CRYBB2: variants seen among roughly 807,000 people sequenced by gnomAD.
The protein encoded by CRYBB2 is crystallin beta B2, also known as beta-crystallin B2.
In CRYBB2, 12 loss-of-function variants were observed where a neutral mutation model predicts 24.3. The observed-to-expected ratio is 0.49, with a 90% confidence interval of 0.32 to 0.80. The LOEUF (loss-of-function observed/expected upper bound fraction) is 0.80. Among genes scored for constraint, CRYBB2 ranks in the 30% least tolerant of loss-of-function variants. The pLI, the probability that CRYBB2 is intolerant of heterozygous loss-of-function variation, is 0.04. For synonymous variants in CRYBB2, 98 were observed against 101.6 expected (o/e 0.96, Z 0.21); for missense variants, 198 against 268.5 (o/e 0.74, Z 1.83).
At chr22:25,220,970 A>G (rs1935309541) in intron 1 of CRYBB2, among the ~76,000 whole-genome samples, 1 of 152,196 alleles carries the variant, frequency 6.6e-6, no homozygotes, top group African/African-American at 2.4e-5. Flanking sequence ...TGAGTTCCTA[A>G]ACTGGGCACC....
chr22:25,226,161 G>A (rs1200422714), intron 3 of CRYBB2, among the ~76,000 whole-genome samples: 1 of 127,184 alleles, frequency 7.9e-6, no homozygotes, highest in Admixed American at 8.7e-5. Flanking sequence ...TATGAATTTG[G>A]ATTTCTCTGT....
At chr22:25,216,380 C>T (rs551237494), upstream of CRYBB2, among the ~76,000 whole-genome samples, 2 of 152,342 alleles carry the variant, frequency 1.3e-5, no homozygotes, top group South Asian at 2.1e-4. Flanking sequence ...GACATAGAAT[C>T]AGCCATGCAC....
At chr22:25,224,552 A>G (rs1006074677) in intron 2 of CRYBB2, among the ~76,000 whole-genome samples, 4 of 152,170 alleles carry the variant, frequency 2.6e-5, no homozygotes, top group Non-Finnish European at 5.9e-5. Context: ...TAAAAAAATT[A>G]GAAGTGGGGT....
upstream of CRYBB2, among the ~76,000 whole-genome samples, chr22:25,218,796 AAG>A (rs746424244): frequency 2.5e-4 from 28 of 113,418 alleles, no homozygotes; most frequent in South Asian, 1.6e-3. Context: ...GAAAGAAAGA[AAG>A]AAAGAAAGAA....
In CRYBB2 at chr22:25,225,042, T is replaced by C; in HGVS notation, c.173+6T>C. On this transcript the variant is annotated splice_donor_region_variant and intron_variant, in intron 3 of 5. Coordinates refer to ENST00000398215, the MANE Select transcript of CRYBB2 (RefSeq NM_000496.3). ...GTCCTAGTGCAGGCTGGACCGTAAG[T>C]ACCTGGGTGGCCTCTCCTGGTCAGG... 1 of 1,512,170 alleles carries C rather than the reference T, an allele frequency of 6.6e-7. No homozygotes were observed. Among genetic ancestry groups the C allele is most frequent in the East Asian group, 2.3e-5 (1 of 44,442 alleles). The allele number at this position is 1,512,170 out of a possible 1,614,324, so 93.7% of individuals were successfully genotyped here.
chr22:25,216,214 A>G (rs958179994), upstream of CRYBB2, among the ~76,000 whole-genome samples: 9 of 152,348 alleles, frequency 5.9e-5, no homozygotes, highest in East Asian at 1.7e-3. Context: ...AAGATATTCC[A>G]AAGTCCTAAC....
intron 4 of CRYBB2, among the ~76,000 whole-genome samples, 166 bp downstream of exon 4, chr22:25,228,151 G>A (rs970087433): frequency 2.0e-5 from 3 of 151,142 alleles, no homozygotes; most frequent in Admixed American, 2.0e-4. Flanking sequence ...CCTTGCAAAA[G>A]TCATTTTACT....
upstream of CRYBB2, among the ~76,000 whole-genome samples, chr22:25,216,805 G>A (rs950312969): frequency 6.6e-5 from 10 of 152,206 alleles, no homozygotes; most frequent in East Asian, 7.7e-4. Context: ...CCAGCCCCCA[G>A]TAACCTCTAT....
upstream of CRYBB2, among the ~76,000 whole-genome samples, chr22:25,218,777 GAGAAGAA>G (rs1217200525): frequency 3.8e-5 from 1 of 26,058 alleles, no homozygotes. Flanking sequence ...GAGAGAGAGA[GAGAAGAA>G]AGAAAGAAAG....
At chr22:25,226,309 T>A (rs1935414013) in intron 3 of CRYBB2, among the ~76,000 whole-genome samples, 1 of 152,140 alleles carries the variant, frequency 6.6e-6, no homozygotes, top group African/African-American at 2.4e-5. Context: ...TTAAATAGCA[T>A]TTTATGTTGG....
upstream of CRYBB2, among the ~76,000 whole-genome samples, chr22:25,215,457 C>T (rs1935157333): frequency 6.6e-6 from 1 of 152,228 alleles, no homozygotes; most frequent in Admixed American, 6.5e-5. Flanking sequence ...TTAATAAATA[C>T]ATGGGTAAAT....
chr22:25,218,182 A>C (rs139468781), upstream of CRYBB2, among the ~76,000 whole-genome samples: 7,176 of 151,798 alleles, frequency 0.047, 182 homozygotes, highest in Middle Eastern at 0.088. Context: ...TGGTGTGAAC[A>C]CGGGAGGCAG....
upstream of CRYBB2, among the ~76,000 whole-genome samples, chr22:25,216,424 A>G (rs558391507): frequency 6.6e-6 from 1 of 152,338 alleles, no homozygotes; most frequent in African/African-American, 2.4e-5. Context: ...CAGGGAGAAG[A>G]CAGTCACGTG....
intron 3 of CRYBB2, among the ~76,000 whole-genome samples, chr22:25,227,099 C>A (rs746781307): frequency 3.5e-4 from 53 of 152,206 alleles, no homozygotes; most frequent in Non-Finnish European, 5.9e-4. Flanking sequence ...TTCCTCTGAA[C>A]AGCCATTATT....
chr22:25,213,527 T>G (rs1040851201), intron 1 of CRYBB2: 1 of 152,184 alleles, frequency 6.6e-6, no homozygotes, highest in African/African-American at 2.4e-5. Flanking sequence ...CCCAGGCTGG[T>G]GTGGGCTCTG....
At chr22:25,218,173 G>A (rs1201677628), upstream of CRYBB2, among the ~76,000 whole-genome samples, 1 of 151,872 alleles carries the variant, frequency 6.6e-6, no homozygotes. Context: ...GGAGGAGAAT[G>A]GTGTGAACAC....
intron 4 of CRYBB2, 45 bp downstream of exon 4, chr22:25,228,030 CCTA>C (rs1935453706): frequency 2.5e-6 from 4 of 1,613,322 alleles, no homozygotes; most frequent in African/African-American, 1.3e-5. Context: ...TGCCCATCAT[CCTA>C]CTTTCTCTCT....
rs1247638082 is a variant in CRYBB2 at position 25,229,436 on chromosome 22, G to T, written c.307G>T (p.Asp103Tyr). The change falls in exon 5 of 6, where the codon GAC (aspartate) becomes TAC (tyrosine). Residue 103 changes from aspartate to tyrosine, a missense_variant and splice_region_variant. Transcript: ENST00000398215. ...ACTTCCCCCCATCCTCTGCCAATAG[G>T]ACAGCCAAGAGCACAAGATCATCCT... The part of the protein sequence containing the change: ...SLSSLRPIKV[D>Y]SQEHKIILYE... 2.5e-6 allele frequency: 4 copies of T among 1,608,196 alleles called. No homozygotes were observed. The highest frequency in any genetic ancestry group is 3.4e-6 in the Non-Finnish European group (4 of 1,177,346).
chr22:25,213,468 G>T (rs1471756173), intron 1 of CRYBB2: 1 of 152,212 alleles, frequency 6.6e-6, no homozygotes, highest in Non-Finnish European at 1.5e-5. Context: ...CATGAAAGAT[G>T]TCTAGTGCTG....
Sources: allele counts gnomAD v4.1 joint callset (sites outside exome capture counted in the v4.1 genomes callset), GRCh38; gene constraint gnomAD v4.1.1; transcripts MANE v1.5; gene names NCBI Gene and HGNC (gene_info 2026-07-23, HGNC 2026-07-21).